The following TULP1 variants were observed in gnomAD, a reference collection of about 807,000 sequenced individuals.
TULP1 encodes TUB like protein 1.
A neutral mutation model predicts 67.1 loss-of-function variants in TULP1; 50 were observed. The observed-to-expected ratio is 0.75, with a 90% CI of 0.59 to 0.94. The LOEUF is 0.94. Ranked by LOEUF, TULP1 falls within the 40% of genes least tolerant of loss-of-function variation. TULP1 has a pLI of 0.00. For synonymous variants in TULP1, 297 were observed against 294.0 expected (o/e 1.01, Z -0.11); for missense variants, 746 against 734.1 (o/e 1.02, Z -0.19).
In TULP1 at chr6:35,498,059, G is replaced by A; in HGVS notation, c.*268C>T. 1 of 594,560 alleles carries A rather than the reference G, an allele frequency of 1.7e-6. No individual in the cohort carries two copies. The highest frequency in any genetic ancestry group is 2.0e-5 in the South Asian group (1 of 49,382). 36.8% of individuals were successfully genotyped at this position (594,560 alleles called of 1,614,324 possible). A position where few individuals can be genotyped will look rare whatever the true frequency, so the allele number is the denominator to read the frequency against. On this transcript the variant is annotated 3_prime_UTR_variant, in exon 15 of 15. Coordinates refer to ENST00000229771, the MANE Select transcript of TULP1 (RefSeq NM_003322.6). The surrounding 1 kb of genome is among the most constrained non-coding windows in gnomAD (Gnocchi z 6.7). ...TGACTGGGGCGCGGGGAGGAGGGGG[G>A]CACAGCGGCGCAGGCGAGCTCCGAG...
chr6:35,500,302 C>A, intron 13 of TULP1, 150 bp from the exon 14 acceptor site: 2 of 838,384 alleles, frequency 2.4e-6, no homozygotes, highest in Non-Finnish European at 2.0e-6. Context: ...ATAGGCTTGG[C>A]ATCTGTGGCA....
At chr6:35,504,356 A>C (rs1170709593) in intron 11 of TULP1, among the ~76,000 whole-genome samples, 1 of 151,762 alleles carries the variant, frequency 6.6e-6, no homozygotes, top group East Asian at 1.9e-4. Context: ...AAAACAAAAC[A>C]AAAAAAAGGG....
At position 35,505,990 on chromosome 6, in the gene TULP1, T is replaced by C. The variant is rs202229844; in HGVS notation, c.999+13A>G. ...CCTCCACACTCCCTCCTCTGCTGCC[T>C]CTCCCCACCCACCTTCTTCTCCGTG... On this transcript the variant is annotated intron_variant, in intron 10 of 14. Coordinates refer to ENST00000229771, the MANE Select transcript of TULP1 (RefSeq NM_003322.6). 2.4e-5 allele frequency: 39 copies of C among 1,614,006 alleles called. 1 individual carries two copies. In the Admixed American group the frequency reaches 2.7e-4, roughly 11 times the overall value.
At chr6:35,507,768 C>T (rs1466474132) in intron 8 of TULP1, among the ~76,000 whole-genome samples, 2 of 152,108 alleles carry the variant, frequency 1.3e-5, no homozygotes, top group African/African-American at 2.4e-5. Flanking sequence ...ATTTGGGAGC[C>T]ACGAAGAATC....
Position 35,511,660 on chromosome 6 carries a change from C to T in TULP1, c.337G>A (p.Asp113Asn). Residue 113 changes from aspartate (D) to asparagine (N), a missense_variant, in exon 4 of 15, where the codon GAC becomes AAC. This residue lies in a region of TULP1 where 359 missense variants were observed against 341.9 expected (regional missense o/e 1.05). Transcript: ENST00000229771. The stretch of plus-strand genomic sequence containing the variant: ...GGCCCTCTCTCACCGTCCTCCGCGT[C>T]TGGGGCACGGGCTACCAGAAAGGTT... Reference protein sequence around the residue: ...RETFLVARAPDAEDEEEEEEE... With the variant: ...RETFLVARAPNAEDEEEEEEE... 1 of 1,595,372 alleles carries T rather than the reference C, an allele frequency of 6.3e-7. No individual in the cohort carries two copies. Among genetic ancestry groups the T allele is most frequent in the Non-Finnish European group, 8.5e-7 (1 of 1,170,586 alleles).
chr6:35,508,634 G>A (rs992022175), intron 8 of TULP1, among the ~76,000 whole-genome samples: 3 of 152,168 alleles, frequency 2.0e-5, no homozygotes, highest in South Asian at 2.1e-4. Flanking sequence ...TGGGAGCAGG[G>A]GCAATATTCA....
intron 11 of TULP1, among the ~76,000 whole-genome samples, chr6:35,504,816 T>C (rs1162134975): frequency 6.6e-6 from 1 of 151,958 alleles, no homozygotes; most frequent in Non-Finnish European, 1.5e-5. Flanking sequence ...TCCGCCCGCC[T>C]CAGCCTCCCA....
intron 13 of TULP1, among the ~76,000 whole-genome samples, chr6:35,502,074 CCTT>C (rs1157946291): frequency 6.6e-6 from 1 of 152,186 alleles, no homozygotes; most frequent in Non-Finnish European, 1.5e-5. Flanking sequence ...CACTCCCTCA[CCTT>C]CTCATTGAGG....
At chr6:35,501,509 G>GAAAAAAA (rs67875217) in intron 13 of TULP1, among the ~76,000 whole-genome samples, 4 of 88,758 alleles carry the variant, frequency 4.5e-5, no homozygotes, top group South Asian at 4.3e-4. Flanking sequence ...CTCGGTCTCA[G>GAAAAAAA]AAAAAAAAAA....
Position 35,511,717 on chromosome 6 carries a change from C to A in TULP1, c.280G>T (p.Asp94Tyr), listed in dbSNP as rs769395762. The change falls in exon 4 of 15, where the codon GAC (aspartate) becomes TAC (tyrosine). Residue 94 changes from aspartate to tyrosine, a missense_variant. Coordinates refer to ENST00000229771, the MANE Select transcript of TULP1 (RefSeq NM_003322.6). ...GGGTCGCGCTTCTTGGCCTCGGGGTCCCTGAGGAACCTGGCGTAGACCGTC... is the reference window on the plus strand; with the variant it reads ...GGGTCGCGCTTCTTGGCCTCGGGGTACCTGAGGAACCTGGCGTAGACCGTC... ...PQTVYARFLR[D>Y]PEAKKRDPRE... 6.3e-7 allele frequency: 1 copy of A among 1,593,016 alleles called. No individual in the cohort carries two copies.
intron 10 of TULP1, 65 bp downstream of exon 10, chr6:35,505,938 T>A (rs1581740403): frequency 6.2e-7 from 1 of 1,614,042 alleles, no homozygotes; most frequent in East Asian, 2.2e-5. Context: ...ATCAGGCCCG[T>A]TTGTCCCGTG....
rs73415643 is a variant in TULP1, at chr6:35,511,848, G to C, written c.191-42C>G. 3.4e-3 allele frequency: 5,111 copies of C among 1,488,964 alleles called. 16 individuals carry two copies. Among genetic ancestry groups the C allele is most frequent in the African/African-American group, 0.021 (1,480 of 71,560 alleles). The allele number at this position is 1,488,964 out of a possible 1,614,324, so 92.2% of individuals were successfully genotyped here. ...GGTTCAGACAGGGTCCCATCCGCGG[G>C]TCCGCGAGGCAGCGCCTCTACCCGC... On this transcript the variant is annotated intron_variant, in intron 3 of 14. Coordinates refer to ENST00000229771, the MANE Select transcript of TULP1 (RefSeq NM_003322.6).
chr6:35,504,947 T>A (rs1278005213), intron 11 of TULP1, among the ~76,000 whole-genome samples: 7 of 151,956 alleles, frequency 4.6e-5, no homozygotes. Context: ...TTTATTCATT[T>A]ATTTTTGAGG....
rs953430533 is a variant in TULP1, at chr6:35,498,836, C to T, written c.1496-376G>A. Among the ~76,000 whole-genome samples, 4 of 152,316 alleles carry T rather than the reference C, an allele frequency of 2.6e-5. No homozygotes were observed. Among genetic ancestry groups the T allele is most frequent in the Admixed American group, 2.6e-4 (4 of 15,304 alleles). On this transcript the variant is annotated intron_variant, in intron 14 of 14. Coordinates refer to ENST00000229771, the MANE Select transcript of TULP1 (RefSeq NM_003322.6). The surrounding 1 kb of genome is among the most constrained non-coding windows in gnomAD (Gnocchi z 6.7). ...TCCTATCCCCAGCCACGAAGTCCCA[C>T]CTTAGACCCCAGCTCCACCCCTTGA...
intron 11 of TULP1, among the ~76,000 whole-genome samples, chr6:35,504,653 C>T (rs1393461264): frequency 2.0e-5 from 3 of 150,966 alleles, no homozygotes; most frequent in Admixed American, 6.6e-5. Flanking sequence ...CTCCGCCTCC[C>T]GGGTTCACGC....
At position 35,503,736 on chromosome 6, in the gene TULP1, CAT is replaced by C; in HGVS notation, c.1223_1224del (p.Tyr408Ter). On this transcript the variant is annotated frameshift_variant and splice_region_variant, in exon 12 of 15. Transcript: ENST00000229771. LOFTEE classifies it high-confidence loss of function. The surrounding 1 kb of genome is among the most constrained non-coding windows in gnomAD (Gnocchi z 4.0). ...SLRQELAAVIYETNVLGFRGP... is the reference protein window; with the variant it reads ...SLRQELAAVIXETNVLGFRGP... ...GCATGGGGGACAGGTGGAGTCCTCA[CAT>C]AGATCACAGCTGCCAGCTCCTGCCG... 6.2e-7 allele frequency: 1 copy of C among 1,612,264 alleles called. No individual in the cohort carries two copies. Among genetic ancestry groups the C allele is most frequent in the Non-Finnish European group, 8.5e-7 (1 of 1,179,182 alleles).
chr6:35,505,818 G>A lies in TULP1; in HGVS notation c.1035C>T (p.Ser345=). Residue 345 remains serine (S), a synonymous_variant, in exon 11 of 15, where the codon AGC becomes AGT. Transcript: ENST00000229771. Reference sequence around the variant, plus strand: ...TGGAGATGAGGTAATTGGCTGTCTTGCTCCGTTTTCGTTTCCTGCCAGCCA... The same window carrying A: ...TGGAGATGAGGTAATTGGCTGTCTTACTCCGTTTTCGTTTCCTGCCAGCCA... ...FLLAGRKRKR[S]KTANYLISID... is the part of the protein sequence containing the mutation. 1 of 1,614,152 alleles carries A rather than the reference G, an allele frequency of 6.2e-7. No individual in the cohort carries two copies. The highest frequency in any genetic ancestry group is 8.5e-7 in the Non-Finnish European group (1 of 1,180,030).
Position 35,500,021 on chromosome 6 carries a change from C to T in TULP1, c.1455G>A (p.Gln485=). The T allele has an allele frequency of 6.2e-7, 1 of 1,614,142 alleles. No individual in the cohort carries two copies. ...CAATCTGGAAGTTCTTGACTGAGGC[C>T]TGGGTGACCCGGCCTTGGAAGTTGA... ...YTLNFQGRVT[Q]ASVKNFQIVH... Residue 485 remains glutamine, a synonymous_variant, in exon 14 of 15, where the codon CAG becomes CAA. Coordinates refer to ENST00000229771, the MANE Select transcript of TULP1 (RefSeq NM_003322.6).
rs756237128 is a variant in TULP1 at position 35,511,636 on chromosome 6, G to T, written c.349+12C>A. On this transcript the variant is annotated intron_variant, in intron 4 of 14. Transcript: ENST00000229771. ...CCGCCCCCTCACCCGCGTCCCTGGG[G>T]CCCTCTCTCACCGTCCTCCGCGTCT... The T allele has an allele frequency of 6.3e-7, 1 of 1,590,406 alleles. No homozygotes were observed. Among genetic ancestry groups the T allele is most frequent in the Non-Finnish European group, 8.6e-7 (1 of 1,167,988 alleles).
Sources: gnomAD v4.1 joint callset for allele counts (sites outside exome capture counted in the v4.1 genomes callset) on GRCh38, gnomAD v4.1.1 for gene constraint, gnomAD v4.1.1 regional missense constraint, Gnocchi (gnomAD v3.1) non-coding constraint, MANE v1.5 for transcripts, NCBI Gene and HGNC (gene_info 2026-07-23, HGNC 2026-07-21) for gene names.